The following GBE1 variants were observed in gnomAD, a reference collection of about 807,000 sequenced individuals.
GBE1 encodes 1,4-alpha-glucan branching enzyme 1.
GBE1 carries 70 observed loss-of-function variants against 88.8 expected under a neutral mutation model. The observed-to-expected ratio is 0.79, with a 90% CI of 0.65 to 0.96. GBE1 has a LOEUF of 0.96. Ranked by LOEUF, GBE1 falls within the 40% of genes least tolerant of loss-of-function variation. The pLI is 0.00. For synonymous variants in GBE1, 284 were observed against 300.1 expected (o/e 0.95, Z 0.56); for missense variants, 872 against 871.0 (o/e 1.00, Z -0.01).
At chr3:81,700,900 T>C (rs769117510) in intron 2 of GBE1, among the ~76,000 whole-genome samples, 7 of 152,174 alleles carry the variant, frequency 4.6e-5, no homozygotes, top group Non-Finnish European at 8.8e-5. Flanking sequence ...TAATTTTAAA[T>C]GAAATGCTTT....
rs538305321 is a variant in GBE1 at position 81,490,769 on chromosome 3, G to A, written c.2053-306C>T. On this transcript the variant is annotated intron_variant, in intron 15 of 15. Coordinates refer to ENST00000429644, the MANE Select transcript of GBE1 (RefSeq NM_000158.4). ...GAGGCTGTATTAGGTGGTGAAGGAAGGCTGCCCCACAGTTTGCAATGTTAC... is the reference window on the plus strand; with the variant it reads ...GAGGCTGTATTAGGTGGTGAAGGAAAGCTGCCCCACAGTTTGCAATGTTAC... Among the ~76,000 whole-genome samples the A allele has an allele frequency of 5.3e-5, 8 of 152,156 alleles. No individual in the cohort carries two copies. In the East Asian group the frequency reaches 1.5e-3, roughly 29 times the overall value.
chr3:81,743,216 T>A (rs1706374503), intron 1 of GBE1, among the ~76,000 whole-genome samples: 1 of 152,064 alleles, frequency 6.6e-6, no homozygotes. Context: ...AAAACAACAT[T>A]CCACTGGAAG....
chr3:81,736,391 G>A (rs1004187901), intron 1 of GBE1, among the ~76,000 whole-genome samples: 10 of 152,164 alleles, frequency 6.6e-5, no homozygotes, highest in Admixed American at 4.6e-4. Flanking sequence ...TCCAGGTGCT[G>A]AAGTTAACAC....
At chr3:81,692,028 T>A (rs1705528448) in intron 2 of GBE1, among the ~76,000 whole-genome samples, 1 of 152,072 alleles carries the variant, frequency 6.6e-6, no homozygotes, top group Non-Finnish European at 1.5e-5. Flanking sequence ...CTATGGCTTT[T>A]CTCAGGTGGG....
intron 7 of GBE1, among the ~76,000 whole-genome samples, chr3:81,639,850 C>A (rs1330876821): frequency 2.6e-5 from 4 of 152,098 alleles, no homozygotes; most frequent in Non-Finnish European, 5.9e-5. Context: ...CATGAGTGAA[C>A]CATCCTGAAA....
At chr3:81,607,920 A>T (rs1704125359) in intron 7 of GBE1, among the ~76,000 whole-genome samples, 1 of 152,150 alleles carries the variant, frequency 6.6e-6, no homozygotes, top group Non-Finnish European at 1.5e-5. Flanking sequence ...ATTTTATCGT[A>T]GGACAGCATA....
chr3:81,605,018 G>A (rs1300693746), intron 7 of GBE1, among the ~76,000 whole-genome samples: 1 of 151,918 alleles, frequency 6.6e-6, no homozygotes, highest in Non-Finnish European at 1.5e-5. Context: ...AAAAAAATAT[G>A]GCCAGCCTCT....
At chr3:81,573,565 T>A (rs1442095329) in intron 12 of GBE1, among the ~76,000 whole-genome samples, 2 of 152,244 alleles carry the variant, frequency 1.3e-5, no homozygotes, top group Non-Finnish European at 2.9e-5. Flanking sequence ...AAGAACTATT[T>A]TTCATCTCTG....
intron 14 of GBE1, among the ~76,000 whole-genome samples, chr3:81,502,522 C>T (rs1409134826): frequency 6.6e-6 from 1 of 152,104 alleles, no homozygotes; most frequent in African/African-American, 2.4e-5. Context: ...CTTTAAAATC[C>T]AGAAATTTCT....
chr3:81,726,302 T>A (rs1706111154), intron 1 of GBE1, among the ~76,000 whole-genome samples: 1 of 152,124 alleles, frequency 6.6e-6, no homozygotes, highest in African/African-American at 2.4e-5. Flanking sequence ...GAGTACGTCA[T>A]GCTTCAGTGC....
chr3:81,662,440 C>A (rs1455193601), intron 3 of GBE1, among the ~76,000 whole-genome samples: 2 of 152,024 alleles, frequency 1.3e-5, no homozygotes, highest in Admixed American at 6.6e-5. Context: ...AGAAATTTAT[C>A]CATCGGTGGT....
intron 14 of GBE1, among the ~76,000 whole-genome samples, chr3:81,516,304 T>C (rs1343199438): frequency 6.6e-6 from 1 of 151,602 alleles, no homozygotes; most frequent in Non-Finnish European, 1.5e-5. Flanking sequence ...TGCTAAAGTC[T>C]ACTCTGCTTG....
intron 2 of GBE1, among the ~76,000 whole-genome samples, chr3:81,677,754 C>T (rs1705281600): frequency 6.6e-6 from 1 of 152,148 alleles, no homozygotes; most frequent in South Asian, 2.1e-4. Flanking sequence ...AATCACCCTT[C>T]TTCAACTTCT....
At chr3:81,567,673 TA>T (rs1188313652) in intron 12 of GBE1, among the ~76,000 whole-genome samples, 1 of 152,228 alleles carries the variant, frequency 6.6e-6, no homozygotes, top group Non-Finnish European at 1.5e-5. Context: ...AGACTATTAC[TA>T]AGACTTCTTG....
chr3:81,678,415 C>CA (rs1023371731), intron 2 of GBE1, among the ~76,000 whole-genome samples: 5 of 152,116 alleles, frequency 3.3e-5, no homozygotes, highest in African/African-American at 7.2e-5. Context: ...GTTTTATTAT[C>CA]AAAAAACTGT....
At chr3:81,690,328 A>G (rs1450821927) in intron 2 of GBE1, among the ~76,000 whole-genome samples, 1 of 152,244 alleles carries the variant, frequency 6.6e-6, no homozygotes, top group Non-Finnish European at 1.5e-5. Context: ...TAAGCTTCGC[A>G]AAGAAATGAA....
intron 1 of GBE1, among the ~76,000 whole-genome samples, chr3:81,706,880 A>G (rs967051332): frequency 6.6e-6 from 1 of 152,122 alleles, no homozygotes; most frequent in African/African-American, 2.4e-5. Context: ...AAAAAAGTAC[A>G]TAAGTATAGC....
intron 14 of GBE1, among the ~76,000 whole-genome samples, chr3:81,531,764 C>G (rs191977105): frequency 1.3e-5 from 2 of 152,158 alleles, no homozygotes; most frequent in East Asian, 1.9e-4. Context: ...TCCACTGGCT[C>G]TAAGCCCAGT....
At chr3:81,597,960 A>C (rs1703981973) in intron 7 of GBE1, among the ~76,000 whole-genome samples, 1 of 151,874 alleles carries the variant, frequency 6.6e-6, no homozygotes, top group Non-Finnish European at 1.5e-5. Context: ...AAAATCAAAA[A>C]CTGTTGATTG....
Sources: gnomAD v4.1 joint callset for allele counts (sites outside exome capture counted in the v4.1 genomes callset) on GRCh38, gnomAD v4.1.1 for gene constraint, MANE v1.5 for transcripts, NCBI Gene and HGNC (gene_info 2026-07-23, HGNC 2026-07-21) for gene names.